Variants in ACBD5 observed in about 807,000 individuals in gnomAD.
The protein encoded by ACBD5 is acyl-CoA binding domain containing 5, also known as acyl-CoA-binding domain-containing protein 5.
In ACBD5, 40 loss-of-function variants were observed where a neutral mutation model predicts 71.8. The observed-to-expected ratio is 0.56, with a 90% CI of 0.43 to 0.72. The LOEUF is 0.72. Ranked by LOEUF, ACBD5 falls within the 30% of genes least tolerant of loss-of-function variation. The pLI is 0.00. For missense variants in ACBD5, 559 were observed against 644.5 expected, an observed-to-expected ratio of 0.87 and a Z score of 1.44; for synonymous variants, 229 against 218.6, an observed-to-expected ratio of 1.05 and a Z score of -0.42.
At chr10:27,233,051 A>T (rs1259493886) in intron 3 of ACBD5, among the ~76,000 whole-genome samples, 1 of 152,230 alleles carries the variant, frequency 6.6e-6, no homozygotes, top group Non-Finnish European at 1.5e-5. Flanking sequence ...GAGAACTAAG[A>T]AATCTTAAAA....
intron 13 of ACBD5, among the ~76,000 whole-genome samples, chr10:27,189,523 T>A (rs553556089): frequency 1.4e-5 from 2 of 143,026 alleles, no homozygotes; most frequent in East Asian, 4.3e-4. Flanking sequence ...ATCGCAAGGA[T>A]AAAAAACCAA....
chr10:27,204,686 A>T, intron 11 of ACBD5, 137 bp from the exon 12 acceptor site: 3 of 704,450 alleles, frequency 4.3e-6, no homozygotes, highest in Non-Finnish European at 7.6e-6. Flanking sequence ...GAAGAAAGAT[A>T]TTCTGCATTT....
rs769760546 is a variant in ACBD5, at chr10:27,238,791, ATAAT to A, written c.181+1524_181+1527del. On this transcript the variant is annotated intron_variant, in intron 2 of 12. Coordinates refer to ENST00000396271, the MANE Select transcript of ACBD5 (RefSeq NM_145698.5). The stretch of plus-strand genomic sequence containing the variant: ...TTATTGAAATTATTGATAATTAATG[ATAAT>A]TAATGAAAACAGAAATCATGATATT... 6.8e-4 allele frequency among the ~76,000 whole-genome samples: 104 copies of A among 152,370 alleles called. 1 individual carries two copies. Among genetic ancestry groups the A allele is most frequent in the Non-Finnish European group, 1.3e-3 (91 of 68,042 alleles).
chr10:27,198,516 T>C (rs2059587041), intron 12 of ACBD5, among the ~76,000 whole-genome samples: 1 of 152,210 alleles, frequency 6.6e-6, no homozygotes, highest in Non-Finnish European at 1.5e-5. Context: ...AACAATCAGA[T>C]CATTCCTTAT....
intron 4 of ACBD5, among the ~76,000 whole-genome samples, chr10:27,226,946 TG>T (rs1180370484): frequency 6.7e-6 from 1 of 149,772 alleles, no homozygotes; most frequent in East Asian, 2.0e-4. Context: ...GGATTACTAG[TG>T]TGAGCCACTG....
intron 12 of ACBD5, 125 bp downstream of exon 12, chr10:27,204,315 T>C (rs148812856): frequency 8.4e-5 from 60 of 714,764 alleles, no homozygotes; most frequent in Middle Eastern, 3.1e-4. Context: ...AGGATAAATA[T>C]AGAATGTTCA....
intron 6 of ACBD5, among the ~76,000 whole-genome samples, chr10:27,218,540 C>T (rs1444230988): frequency 2.0e-5 from 3 of 151,688 alleles, no homozygotes; most frequent in Admixed American, 6.6e-5. Context: ...AAAGAAGGCG[C>T]TATTTGTCAT....
intron 10 of ACBD5, among the ~76,000 whole-genome samples, chr10:27,206,331 G>A (rs955052005): frequency 4.0e-5 from 6 of 151,650 alleles, no homozygotes; most frequent in Non-Finnish European, 5.9e-5. Flanking sequence ...AAAACATAGA[G>A]CATGCCAGGC....
intron 8 of ACBD5, 129 bp downstream of exon 8, chr10:27,215,406 T>TA: frequency 3.0e-6 from 2 of 677,526 alleles, no homozygotes; most frequent in South Asian, 3.5e-5. Context: ...AAAATACAAA[T>TA]GTTTAAACAT....
intron 12 of ACBD5, among the ~76,000 whole-genome samples, chr10:27,203,016 C>T (rs990313359): frequency 7.0e-5 from 10 of 142,364 alleles, no homozygotes; most frequent in Admixed American, 6.6e-4. Flanking sequence ...CTCTGTCACC[C>T]GGGCTGGAGT....
chr10:27,239,575 A>G (rs2065191649), intron 2 of ACBD5, among the ~76,000 whole-genome samples: 1 of 147,700 alleles, frequency 6.8e-6, no homozygotes, highest in African/African-American at 2.5e-5. Context: ...ACAATGGAAT[A>G]GCAAATAAAA....
At chr10:27,211,121 G>C in intron 8 of ACBD5, 40 bp from the exon 9 acceptor site, 1 of 1,606,860 alleles carries the variant, frequency 6.2e-7, no homozygotes, top group Non-Finnish European at 8.5e-7. Flanking sequence ...AGCTAGAAAT[G>C]TGAATTATAC....
At chr10:27,189,071 T>C (rs911530307) in intron 13 of ACBD5, among the ~76,000 whole-genome samples, 2 of 152,116 alleles carry the variant, frequency 1.3e-5, no homozygotes, top group Admixed American at 6.5e-5. Flanking sequence ...AATTCTAGAG[T>C]CTTATCTACC....
chr10:27,231,796 A>G lies in ACBD5; in HGVS notation c.327T>C (p.Asp109=). The change falls in exon 4 of 13, where the codon GAT becomes GAC. Residue 109 remains aspartate (D), a synonymous_variant. Coordinates refer to ENST00000396271, the MANE Select transcript of ACBD5 (RefSeq NM_145698.5). ...YKWDAWSSLG[D]MTKEEAMIAY... ...CAATCATGGCTTCCTCTTTGGTCAT[A>G]TCACCCAGTGAACTCCAAGCATCCC... The G allele has an allele frequency of 6.2e-7, 1 of 1,613,774 alleles. No homozygotes were observed. The highest frequency in any genetic ancestry group is 8.5e-7 in the Non-Finnish European group (1 of 1,179,954).
In ACBD5 at chr10:27,208,547, C is replaced by T. The variant is rs1275857051; in HGVS notation, c.1205-102G>A. ...TGTTATTTCTTTGAGATCTAAATCT[C>T]CAAAGTGTGGCCAGGAGCTGTGGCT... is the stretch of plus-strand genomic sequence containing the variant. On this transcript the variant is annotated intron_variant, in intron 9 of 12. Transcript: ENST00000396271. The T allele has an allele frequency of 4.3e-6, 6 of 1,394,640 alleles. No individual in the cohort carries two copies. In the East Asian group the frequency reaches 9.7e-5, roughly 23 times the overall value. The allele number at this position is 1,394,640 out of a possible 1,614,324, so 86.4% of individuals were successfully genotyped here.
In ACBD5 at chr10:27,211,073, G is replaced by T; in HGVS notation, c.945C>A (p.Asp315Glu). Residue 315 changes from aspartate (D) to glutamate (E), a missense_variant, in exon 9 of 13, where the codon GAC (aspartate) becomes GAA (glutamate). Asp to Glu is a conservative substitution (Grantham distance 45). Transcript: ENST00000396271. ...MEQFGQEESL[D>E]SFTSNNGPFQ... is the part of the protein sequence containing the mutation. ...ATGGTCCATTGTTGGACGTAAAGCTGTCTAAAGACTACAAATTAGAAATGA... is the reference window on the plus strand; with the variant it reads ...ATGGTCCATTGTTGGACGTAAAGCTTTCTAAAGACTACAAATTAGAAATGA... 6.2e-7 allele frequency: 1 copy of T among 1,614,040 alleles called. No homozygotes were observed.
intron 2 of ACBD5, among the ~76,000 whole-genome samples, chr10:27,239,839 C>T (rs113145520): frequency 0.093 from 14,084 of 152,184 alleles, 892 homozygotes; most frequent in African/African-American, 0.16. Flanking sequence ...CTCTGCCTCC[C>T]GGGTTCAAGC....
intron 5 of ACBD5, among the ~76,000 whole-genome samples, chr10:27,221,815 G>A (rs1401220937): frequency 6.7e-6 from 1 of 150,040 alleles, no homozygotes; most frequent in Non-Finnish European, 1.5e-5. Flanking sequence ...CTACCTGGGA[G>A]GCTAAGTCAG....
Position 27,197,454 on chromosome 10 carries a change from A to C in ACBD5, c.1566-12T>G, listed in dbSNP as rs1451285738. 6.3e-7 allele frequency: 1 copy of C among 1,599,312 alleles called. No individual in the cohort carries two copies. The highest frequency in any genetic ancestry group is 8.5e-7 in the Non-Finnish European group (1 of 1,169,776). ...CTCAGTTCAGTTTTCTTTAAAAAGA[A>C]AATAAAAACCAATTTCCTGTGAGTA... On this transcript the variant is annotated splice_polypyrimidine_tract_variant and intron_variant, in intron 12 of 12. Transcript: ENST00000396271.
Sources: gnomAD v4.1 joint callset for allele counts (sites outside exome capture counted in the v4.1 genomes callset) on GRCh38, gnomAD v4.1.1 for gene constraint, MANE v1.5 for transcripts, NCBI Gene and HGNC (gene_info 2026-07-23, HGNC 2026-07-21) for gene names.